KCNK9: variants seen among roughly 807,000 people sequenced by gnomAD.
KCNK9 encodes potassium two pore domain channel subfamily K member 9.
In KCNK9, 1 loss-of-function variant was observed where a neutral mutation model predicts 10.8. The ratio of observed to expected loss-of-function variants is 0.09; its 90% CI spans 0.03 to 0.44. The LOEUF (loss-of-function observed/expected upper bound fraction) is 0.44. Ranked by LOEUF, KCNK9 falls within the 20% of genes least tolerant of loss-of-function variation. KCNK9 has a pLI of 0.97. For synonymous variants in KCNK9, 231 were observed against 222.7 expected (o/e 1.04, Z -0.33); for missense variants, 303 against 515.0 (o/e 0.59, Z 3.98).
intron 1 of KCNK9, among the ~76,000 whole-genome samples, chr8:139,677,413 G>T (rs1816573641): frequency 6.6e-6 from 1 of 152,110 alleles, no homozygotes. Context: ...GGGCTAGTCT[G>T]ACCCCAAATG....
chr8:139,695,451 G>A (rs1817026575), intron 1 of KCNK9, among the ~76,000 whole-genome samples: 1 of 152,234 alleles, frequency 6.6e-6, no homozygotes, highest in African/African-American at 2.4e-5. Context: ...TACAGAACAG[G>A]AGGGAGGCCA....
At chr8:139,660,449 A>T (rs2111579) in intron 1 of KCNK9, among the ~76,000 whole-genome samples, 51,909 of 130,014 alleles carry the variant, frequency 0.4, 9,877 homozygotes, top group African/African-American at 0.43. Context: ...GCTAAAAAAA[A>T]ATATATATAT....
chr8:139,613,741 T>C (rs1586627679), downstream of KCNK9, among the ~76,000 whole-genome samples: 1 of 152,036 alleles, frequency 6.6e-6, no homozygotes, highest in African/African-American at 2.4e-5. Flanking sequence ...CAATAACAGG[T>C]CCCCTGCCTG....
chr8:139,618,018 C>T lies in KCNK9; in HGVS notation c.*240G>A, dbSNP rs1057514314. 3.7e-6 allele frequency: 2 copies of T among 536,348 alleles called. No homozygotes were observed. Among genetic ancestry groups the T allele is most frequent in the South Asian group, 2.2e-5 (1 of 46,476 alleles). 33.2% of individuals were successfully genotyped at this position (536,348 alleles called of 1,614,324 possible). A position where few individuals can be genotyped will look rare whatever the true frequency, so the allele number is the denominator to read the frequency against. ...TCTGCTGGGAAGGAAGGAGGAGATC[C>T]ATGCTTCATGCTCAGATGTGAGTTT... On this transcript the variant is annotated 3_prime_UTR_variant, in exon 2 of 2. Transcript: ENST00000520439. This position sits in a 1 kb window ranked among gnomAD's most constrained non-coding sequence, Gnocchi z 7.9.
At chr8:139,660,266 G>A (rs908905935) in intron 1 of KCNK9, among the ~76,000 whole-genome samples, 4 of 152,042 alleles carry the variant, frequency 2.6e-5, no homozygotes, top group South Asian at 4.2e-4. Context: ...AACAGCCCGC[G>A]ATGAAGACTG....
At position 139,671,511 on chromosome 8, in the gene KCNK9, C is replaced by CTTTT. The variant is rs35081138; in HGVS notation, c.283+31195_283+31198dup. The stretch of plus-strand genomic sequence containing the variant: ...GCGTTCATTCTTCTTTTTTTAGTTT[C>CTTTT]TTTTTTTTTTTTTTTTTTAGATGGA... On this transcript the variant is annotated intron_variant, in intron 1 of 1. Transcript: ENST00000520439. 1.3e-4 allele frequency among the ~76,000 whole-genome samples: 17 copies of CTTTT among 132,728 alleles called. No individual in the cohort carries two copies. The South Asian group carries it at 3.6e-3, about 28-fold the overall frequency. The allele number at this position is 132,728 out of a possible 152,430, so 87.1% of individuals were successfully genotyped here. A position where few individuals can be genotyped will look rare whatever the true frequency, so the allele number is the denominator to read the frequency against.
chr8:139,605,481 A>G (rs955021785), intron 2 of KCNK9, among the ~76,000 whole-genome samples: 3 of 152,170 alleles, frequency 2.0e-5, no homozygotes, highest in Non-Finnish European at 2.9e-5. Context: ...GCCTGTCTAC[A>G]ATGAGGAAGA....
chr8:139,633,792 C>A (rs2129636953), intron 1 of KCNK9, among the ~76,000 whole-genome samples: 1 of 152,366 alleles, frequency 6.6e-6, no homozygotes, highest in South Asian at 2.1e-4. Flanking sequence ...AGACAACCAA[C>A]ACCACACAGG....
At position 139,645,760 on chromosome 8, in the gene KCNK9, G is replaced by A. The variant is rs116262467; in HGVS notation, c.284-26661C>T. ...GCCATCCATCCTGAGCACCTGCCCC[G>A]TGCAAGGCCCCAAGCGGTGCACAGG... On this transcript the variant is annotated intron_variant, in intron 1 of 1. Coordinates refer to ENST00000520439, the MANE Select transcript of KCNK9 (RefSeq NM_001282534.2). Among the ~76,000 whole-genome samples, 1,022 of 152,270 alleles carry A rather than the reference G, an allele frequency of 6.7e-3. 7 individuals carry two copies. Among genetic ancestry groups the A allele is most frequent in the African/African-American group, 0.022 (907 of 41,552 alleles).
intron 1 of KCNK9, among the ~76,000 whole-genome samples, chr8:139,673,777 A>T (rs548492847): frequency 6.6e-5 from 10 of 152,132 alleles, no homozygotes; most frequent in Admixed American, 5.2e-4. Flanking sequence ...GGGGCCCCTC[A>T]GGGTGCTCTT....
rs759101253 is a variant in KCNK9, at chr8:139,702,961, A to G, written c.32T>C (p.Leu11Pro). Residue 11 changes from leucine to proline, a missense_variant, in exon 1 of 2, where the codon CTC becomes CCC. Physicochemically the swap from Leu to Pro is moderately conservative, Grantham distance 98 (BLOSUM62 -3). Coordinates refer to ENST00000520439, the MANE Select transcript of KCNK9 (RefSeq NM_001282534.2). The surrounding 1 kb of genome is among the most constrained non-coding windows in gnomAD (Gnocchi z 7.5). ...CAGGTAGGTGAAGGTGCAGACGATG[A>G]GGGACAGAGTCCGCACGTTCTGCCT... Reference protein sequence around the residue: MKRQNVRTLSLIVCTFTYLLV... With the variant: MKRQNVRTLSPIVCTFTYLLV... 1 of 1,605,168 alleles carries G rather than the reference A, an allele frequency of 6.2e-7. No homozygotes were observed. Among genetic ancestry groups the G allele is most frequent in the African/African-American group, 1.3e-5 (1 of 74,610 alleles).
rs781243756 is a variant in KCNK9, at chr8:139,703,002, C to T, written c.-10G>A. ...CGTTCTGCCTCTTCATGGCCGCCAG[C>T]AAGGAGCCGGCGCGGGGGGCATGTC... is the stretch of plus-strand genomic sequence containing the variant. On this transcript the variant is annotated 5_prime_UTR_variant, in exon 1 of 2. Coordinates refer to ENST00000520439, the MANE Select transcript of KCNK9 (RefSeq NM_001282534.2). The surrounding 1 kb of genome is among the most constrained non-coding windows in gnomAD (Gnocchi z 6.4). 3 of 1,556,502 alleles carry T rather than the reference C, an allele frequency of 1.9e-6. No individual in the cohort carries two copies. The South Asian group carries it at 3.5e-5, about 18-fold the overall frequency.
chr8:139,623,971 T>G (rs890485864), intron 1 of KCNK9, among the ~76,000 whole-genome samples: 1 of 151,680 alleles, frequency 6.6e-6, no homozygotes, highest in South Asian at 2.1e-4. Context: ...TGCAGGAGGG[T>G]TGCCAACCCA....
intron 1 of KCNK9, among the ~76,000 whole-genome samples, chr8:139,650,898 T>C (rs902036839): frequency 6.6e-6 from 1 of 152,170 alleles, no homozygotes; most frequent in African/African-American, 2.4e-5. Flanking sequence ...CCGGAAGTGA[T>C]GTTGCCATGG....
In KCNK9 at chr8:139,681,066, C is replaced by T. The variant is rs577925411; in HGVS notation, c.283+21644G>A. On this transcript the variant is annotated intron_variant, in intron 1 of 1. Coordinates refer to ENST00000520439, the MANE Select transcript of KCNK9 (RefSeq NM_001282534.2). The stretch of plus-strand genomic sequence containing the variant: ...CTCTAGCACAGCATCTAGCATGGCA[C>T]AGAACAGGCAGATGAGAACACTAAT... Among the ~76,000 whole-genome samples the T allele has an allele frequency of 3.9e-5, 6 of 152,312 alleles. No individual in the cohort carries two copies. The South Asian group carries it at 1.2e-3, about 32-fold the overall frequency.
intron 1 of KCNK9, among the ~76,000 whole-genome samples, chr8:139,683,538 T>C (rs1373204132): frequency 2.0e-5 from 3 of 152,206 alleles, no homozygotes; most frequent in Non-Finnish European, 2.9e-5. Flanking sequence ...AAAGCCAACC[T>C]TGTCCATGGG....
At chr8:139,656,223 A>C (rs1586669058) in intron 1 of KCNK9, among the ~76,000 whole-genome samples, 1 of 152,174 alleles carries the variant, frequency 6.6e-6, no homozygotes, top group East Asian at 1.9e-4. Flanking sequence ...CCCTGCAAGC[A>C]GCTTGGTCTT....
chr8:139,610,098 G>A (rs1397801985), downstream of KCNK9, among the ~76,000 whole-genome samples: 1 of 152,058 alleles, frequency 6.6e-6, no homozygotes, highest in Admixed American at 6.5e-5. Flanking sequence ...ACCACCCAGA[G>A]GCCTCATTTC....
rs936000351 is a variant in KCNK9 at position 139,677,904 on chromosome 8, A to G, written c.283+24806T>C. On this transcript the variant is annotated intron_variant, in intron 1 of 1. Transcript: ENST00000520439. Reference sequence around the variant, plus strand: ...GAGGAATGCCTCACATCTGAGCCCAATGTGTCCCCACAGCTACAGAGTAAT... The same window carrying G: ...GAGGAATGCCTCACATCTGAGCCCAGTGTGTCCCCACAGCTACAGAGTAAT... Among the ~76,000 whole-genome samples the G allele has an allele frequency of 5.6e-5, 8 of 142,174 alleles. 2 individuals are homozygous for G. The highest frequency in any genetic ancestry group is 2.1e-4 in the African/African-American group (7 of 33,938). 93.3% of individuals were successfully genotyped at this position (142,174 alleles called of 152,430 possible).
Sources: allele counts gnomAD v4.1 joint callset (sites outside exome capture counted in the v4.1 genomes callset), GRCh38; gene constraint gnomAD v4.1.1; non-coding constraint Gnocchi (gnomAD v3.1); transcripts MANE v1.5; gene names NCBI Gene and HGNC (gene_info 2026-07-23, HGNC 2026-07-21).